UGT1A6: variants seen among roughly 807,000 people sequenced by gnomAD.
UGT1A6 encodes the protein UDP-glucuronosyltransferase 1A6.
UGT1A6 carries 32 observed loss-of-function variants against 44.4 expected under a neutral mutation model. The ratio of observed to expected loss-of-function variants is 0.72; its 90% CI spans 0.54 to 0.97. The LOEUF is 0.97. Among genes scored for constraint, UGT1A6 ranks in the 50% least tolerant of loss-of-function variants. The probability of loss-of-function intolerance (pLI) is 0.00; values close to 1 mark genes in which losing one functional copy is unlikely to be tolerated. For synonymous variants in UGT1A6, 238 were observed against 248.5 expected, an observed-to-expected ratio of 0.96 and a Z score of 0.40; for missense variants, 685 against 661.9, an observed-to-expected ratio of 1.03 and a Z score of -0.38.
chr2:233,755,963 C>T (rs557149138), intron 1 of UGT1A6: 1 of 152,200 alleles, frequency 6.6e-6, no homozygotes, highest in South Asian at 2.1e-4. Flanking sequence ...GTACTTGGCT[C>T]TATAGAGAGG....
At chr2:233,728,480 C>T (rs1317741863) in intron 1 of UGT1A6, among the ~76,000 whole-genome samples, 1 of 152,156 alleles carries the variant, frequency 6.6e-6, no homozygotes, top group Non-Finnish European at 1.5e-5. Context: ...ATCTGATCAT[C>T]ACATCTTGAG....
chr2:233,753,792 G>A (rs1695310266), intron 1 of UGT1A6: 1 of 152,134 alleles, frequency 6.6e-6, no homozygotes, highest in African/African-American at 2.4e-5. Context: ...ACATTTCCAG[G>A]ACCTACCATA....
At chr2:233,725,887 G>A (rs1228393532) in intron 1 of UGT1A6, among the ~76,000 whole-genome samples, 1 of 152,022 alleles carries the variant, frequency 6.6e-6, no homozygotes, top group Non-Finnish European at 1.5e-5. Context: ...TGATTTGTAG[G>A]CAGGTGGGTG....
At chr2:233,755,106 A>C in intron 1 of UGT1A6, 1 of 1,334,076 alleles carries the variant, frequency 7.5e-7, no homozygotes, top group Non-Finnish European at 1.0e-6. Flanking sequence ...GTCCGACAAC[A>C]CCTCGTAGGC....
intron 1 of UGT1A6, chr2:233,748,175 C>G: frequency 6.3e-7 from 1 of 1,584,336 alleles, no homozygotes; most frequent in South Asian, 1.2e-5. Context: ...ACTTATCTTT[C>G]TGGTGCTTTT....
chr2:233,720,019 G>T (rs540203341), intron 1 of UGT1A6, among the ~76,000 whole-genome samples: 6 of 152,260 alleles, frequency 3.9e-5, no homozygotes, highest in African/African-American at 1.4e-4. Flanking sequence ...TCCATCCTGG[G>T]GTTTTTGCTT....
chr2:233,747,703 AC>A, intron 1 of UGT1A6: 1 of 1,612,262 alleles, frequency 6.2e-7, no homozygotes, highest in Non-Finnish European at 8.5e-7. Context: ...CTGGCTAAGT[AC>A]CTATCAATTC....
intron 1 of UGT1A6, chr2:233,729,991 C>T (rs770784414): frequency 6.2e-6 from 10 of 1,613,902 alleles, no homozygotes; most frequent in Admixed American, 1.7e-5. Flanking sequence ...GCCACTATCT[C>T]AGGTCTGTAT....
intron 1 of UGT1A6, among the ~76,000 whole-genome samples, chr2:233,725,249 G>GGCA (rs1424626643): frequency 6.2e-5 from 3 of 48,540 alleles, no homozygotes; most frequent in African/African-American, 3.4e-4. Flanking sequence ...CAGAGGCAGA[G>GGCA]GAGGCAGAGG....
In UGT1A6 at chr2:233,772,986, C is replaced by A; in HGVS notation, c.*427C>A. 3.5e-6 allele frequency: 1 copy of A among 282,682 alleles called. No homozygotes were observed. The highest frequency in any genetic ancestry group is 6.8e-6 in the Non-Finnish European group (1 of 146,824). 17.5% of individuals were successfully genotyped at this position (282,682 alleles called of 1,614,324 possible). A position where few individuals can be genotyped will look rare whatever the true frequency, so the allele number is the denominator to read the frequency against. On this transcript the variant is annotated 3_prime_UTR_variant, in exon 5 of 5. Transcript: ENST00000305139. ...TGATCCTTAACCAATAATGGTCAGTCCTCATCTCTGTCGTGCTTCATAGGT... is the reference window on the plus strand; with the variant it reads ...TGATCCTTAACCAATAATGGTCAGTACTCATCTCTGTCGTGCTTCATAGGT...
intron 1 of UGT1A6, among the ~76,000 whole-genome samples, chr2:233,732,830 G>GT (rs1465504396): frequency 3.4e-5 from 5 of 148,534 alleles, no homozygotes; most frequent in African/African-American, 1.0e-4. Context: ...CTTTAAAGTA[G>GT]TTTTTTCCAA....
At chr2:233,767,317 G>A in intron 2 of UGT1A6, 152 bp downstream of exon 2, 4 of 1,492,088 alleles carry the variant, frequency 2.7e-6, no homozygotes, top group Non-Finnish European at 3.5e-6. Flanking sequence ...TTTTTTTGTT[G>A]TTGTGGTTGT....
chr2:233,717,663 C>T (rs953921301), intron 1 of UGT1A6: 3 of 412,194 alleles, frequency 7.3e-6, no homozygotes, highest in Non-Finnish European at 1.5e-5. Context: ...GAAGCATCAG[C>T]AATCTTGCGA....
rs45489204 is a variant in UGT1A6 at position 233,712,384 on chromosome 2, G to A, written c.861+18519G>A. 7.4e-3 allele frequency among the ~76,000 whole-genome samples: 1,134 copies of A among 152,260 alleles called. 41 individuals are homozygous for A. Among genetic ancestry groups the A allele is most frequent in the Admixed American group, 0.052 (796 of 15,282 alleles). On this transcript the variant is annotated intron_variant, in intron 1 of 4. Coordinates refer to ENST00000305139, the MANE Select transcript of UGT1A6 (RefSeq NM_001072.4). ...CCCTGCAGCTTTTTTTATATTGACA[G>A]CCACTTCAGAGAGAGTCCTCTTTGA...
At chr2:233,704,891 T>C (rs2075812079) in intron 1 of UGT1A6, among the ~76,000 whole-genome samples, 2 of 152,120 alleles carry the variant, frequency 1.3e-5, no homozygotes. Flanking sequence ...CCCAGCACTT[T>C]GGAAGGCTGA....
intron 1 of UGT1A6, among the ~76,000 whole-genome samples, chr2:233,736,165 G>A (rs533285485): frequency 1.2e-4 from 19 of 152,088 alleles, no homozygotes; most frequent in Non-Finnish European, 2.6e-4. Context: ...CGTAGATTTG[G>A]TCTTTCCACA....
chr2:233,707,958 C>T (rs1010102150), intron 1 of UGT1A6, among the ~76,000 whole-genome samples: 9 of 152,110 alleles, frequency 5.9e-5, no homozygotes, highest in Admixed American at 2.6e-4. Flanking sequence ...CCTCTTTTGC[C>T]CATTCAAGTC....
intron 1 of UGT1A6, chr2:233,719,818 A>G: frequency 6.3e-7 from 1 of 1,577,544 alleles, no homozygotes; most frequent in Non-Finnish European, 8.6e-7. Flanking sequence ...ATAACAGATA[A>G]ACTGTTGAGG....
In UGT1A6 at chr2:233,767,864, A is replaced by T; in HGVS notation, c.1009A>T (p.Thr337Ser). The change falls in exon 3 of 5, where the codon ACT (threonine) becomes TCT (serine). Residue 337 changes from threonine to serine, a missense_variant. Thr to Ser is a moderately conservative substitution (Grantham distance 58). Coordinates refer to ENST00000305139, the MANE Select transcript of UGT1A6 (RefSeq NM_001072.4). The part of the protein sequence containing the change: ...KIPQTVLWRY[T>S]GTRPSNLANN... Reference sequence around the variant, plus strand: ...CCCCTCCCAGGTCCTGTGGCGGTACACTGGAACCCGACCATCGAATCTTGC... The same window carrying T: ...CCCCTCCCAGGTCCTGTGGCGGTACTCTGGAACCCGACCATCGAATCTTGC... 1 of 1,614,144 alleles carries T rather than the reference A, an allele frequency of 6.2e-7. No individual in the cohort carries two copies. Among genetic ancestry groups the T allele is most frequent in the Non-Finnish European group, 8.5e-7 (1 of 1,180,042 alleles).
Sources: gnomAD v4.1 joint callset for allele counts (sites outside exome capture counted in the v4.1 genomes callset) on GRCh38, gnomAD v4.1.1 for gene constraint, MANE v1.5 for transcripts, NCBI Gene and HGNC (gene_info 2026-07-23, HGNC 2026-07-21) for gene names.